Variants in UBR3 observed in about 807,000 individuals in gnomAD.
UBR3 encodes ubiquitin protein ligase E3 component n-recognin 3.
UBR3 carries 85 observed loss-of-function variants against 243.2 expected under a neutral mutation model. The ratio of observed to expected loss-of-function variants is 0.35; its 90% CI spans 0.29 to 0.42. The LOEUF is 0.42. UBR3 is among the 10% of genes least tolerant of loss of function. The pLI is 1.00. For missense variants in UBR3, 1,686 were observed against 2,300.8 expected (o/e 0.73, Z 5.47); for synonymous variants, 748 against 799.8 (o/e 0.94, Z 1.09).
rs984012339 is a variant in UBR3 at position 170,040,725 on chromosome 2, T to C, written c.4557-157T>C. On this transcript the variant is annotated intron_variant, in intron 31 of 38. Transcript: ENST00000272793. ...AGAATATGAGTCTAAAATGTAATTT[T>C]TTTGCAAAAAATATGACTCCTAAGG... Among the ~76,000 whole-genome samples the C allele has an allele frequency of 3.9e-5, 6 of 152,102 alleles. 1 individual carries two copies. The South Asian group carries it at 6.2e-4, about 16-fold the overall frequency.
rs11461641 is a variant in UBR3, at chr2:169,960,236, C to CAA, written c.3634+1729_3634+1730dup. 5.4e-3 allele frequency among the ~76,000 whole-genome samples: 343 copies of CAA among 63,874 alleles called. 1 individual carries two copies. Among genetic ancestry groups the CAA allele is most frequent in the African/African-American group, 1.0e-2 (191 of 19,160 alleles). The allele number at this position is 63,874 out of a possible 152,430, so 41.9% of individuals were successfully genotyped here. ...TGCACTGCAGCCTGGGTGACAAGAG[C>CAA]AAAAAAAAAAAAAAAAAAAAGATTG... On this transcript the variant is annotated intron_variant, in intron 24 of 38. Coordinates refer to ENST00000272793, the MANE Select transcript of UBR3 (RefSeq NM_172070.4).
intron 1 of UBR3, among the ~76,000 whole-genome samples, chr2:169,846,373 A>G (rs2082478094): frequency 6.6e-6 from 1 of 151,708 alleles, no homozygotes. Context: ...CGTCACCCAT[A>G]TTTCTTTTGA....
intron 21 of UBR3, 173 bp from the exon 22 acceptor site, chr2:169,947,369 G>A (rs979759804): frequency 9.1e-6 from 4 of 441,164 alleles, no homozygotes; most frequent in Non-Finnish European, 1.5e-5. Context: ...TGCATTTTTT[G>A]TTTGAATTTG....
At chr2:169,989,433 G>C (rs1168532223) in intron 25 of UBR3, among the ~76,000 whole-genome samples, 1 of 151,952 alleles carries the variant, frequency 6.6e-6, no homozygotes, top group African/African-American at 2.4e-5. Flanking sequence ...AAACCAATTT[G>C]GATTTTTCAG....
intron 31 of UBR3, among the ~76,000 whole-genome samples, chr2:170,038,695 T>G (rs1222041164): frequency 1.3e-5 from 2 of 152,142 alleles, no homozygotes; most frequent in Non-Finnish European, 2.9e-5. Flanking sequence ...TTCATTATGC[T>G]TTTATTGGAG....
rs543550115 is a variant in UBR3 at position 169,936,399 on chromosome 2, A to G, written c.2663+3391A>G. 4.6e-5 allele frequency among the ~76,000 whole-genome samples: 7 copies of G among 152,258 alleles called. No homozygotes were observed. The South Asian group carries it at 1.4e-3, about 32-fold the overall frequency. On this transcript the variant is annotated intron_variant, in intron 19 of 38. Transcript: ENST00000272793. Reference sequence around the variant, plus strand: ...TTAAATGCAAAGTTAATTTTATAGCATCTTCATAATCATAGGTACAGCATA... The same window carrying G: ...TTAAATGCAAAGTTAATTTTATAGCGTCTTCATAATCATAGGTACAGCATA...
rs531829280 is a variant in UBR3 at position 169,985,149 on chromosome 2, C to G, written c.3635-1496C>G. Among the ~76,000 whole-genome samples the G allele has an allele frequency of 9.9e-5, 15 of 151,568 alleles. No individual in the cohort carries two copies. The East Asian group carries it at 2.7e-3, about 27-fold the overall frequency. ...GTTCTCCTTTGCACTTGAGAGCAGA[C>G]AATTTCTTTTTTCTGCATGGTTTTC... On this transcript the variant is annotated intron_variant, in intron 24 of 38. Coordinates refer to ENST00000272793, the MANE Select transcript of UBR3 (RefSeq NM_172070.4).
At position 169,914,493 on chromosome 2, in the gene UBR3, A is replaced by G. The variant is rs146280521; in HGVS notation, c.1866+347A>G. 5.3e-4 allele frequency among the ~76,000 whole-genome samples: 80 copies of G among 152,348 alleles called. 1 individual carries two copies. The highest frequency in any genetic ancestry group is 3.4e-3 in the Middle Eastern group (1 of 294). On this transcript the variant is annotated intron_variant, in intron 11 of 38. Coordinates refer to ENST00000272793, the MANE Select transcript of UBR3 (RefSeq NM_172070.4). ...GTGACAATGCAAATGTGAATAGGATAGGGGAGATTAATGAAAAGGGTATCA... is the reference window on the plus strand; with the variant it reads ...GTGACAATGCAAATGTGAATAGGATGGGGGAGATTAATGAAAAGGGTATCA...
intron 11 of UBR3, among the ~76,000 whole-genome samples, chr2:169,922,881 A>G (rs1483147806): frequency 6.6e-6 from 1 of 152,230 alleles, no homozygotes; most frequent in Non-Finnish European, 1.5e-5. Context: ...TTTGAAAAAA[A>G]TAATTATTTC....
At chr2:169,954,529 C>T (rs1011364229) in intron 23 of UBR3, among the ~76,000 whole-genome samples, 3 of 151,428 alleles carry the variant, frequency 2.0e-5, no homozygotes, top group Non-Finnish European at 4.4e-5. Context: ...AGGCATGAGC[C>T]GCTGCTCCTA....
At chr2:169,901,911 CCCAGACTG>C (rs1472268248) in intron 8 of UBR3, among the ~76,000 whole-genome samples, 2 of 152,194 alleles carry the variant, frequency 1.3e-5, no homozygotes, top group South Asian at 4.1e-4. Flanking sequence ...TGCTCATAAT[CCCAGACTG>C]CCTTTCCTCC....
intron 32 of UBR3, among the ~76,000 whole-genome samples, chr2:170,052,842 T>C (rs1175316923): frequency 6.6e-6 from 1 of 152,210 alleles, no homozygotes; most frequent in Non-Finnish European, 1.5e-5. Context: ...GTATTCTCAG[T>C]GCACACACAT....
In UBR3 at chr2:169,827,750, C is replaced by A; in HGVS notation, c.243C>A (p.Gly81=). Residue 81 remains glycine, a synonymous_variant, in exon 1 of 39, where the codon GGC becomes GGA. Coordinates refer to ENST00000272793, the MANE Select transcript of UBR3 (RefSeq NM_172070.4). ...GEDAAAAGGG[G]GPGAAEEEAL... ...ACGCGGCGGCGGCCGGAGGCGGGGG[C>A]GGTCCGGGGGCGGCCGAGGAGGAGG... 2 of 1,246,824 alleles carry A rather than the reference C, an allele frequency of 1.6e-6. No individual in the cohort carries two copies. Among genetic ancestry groups the A allele is most frequent in the Non-Finnish European group, 2.0e-6 (2 of 997,708 alleles). The allele number at this position is 1,246,824 out of a possible 1,614,324, so 77.2% of individuals were successfully genotyped here.
chr2:169,970,235 G>GTTT (rs531832498), intron 24 of UBR3, among the ~76,000 whole-genome samples: 31 of 85,568 alleles, frequency 3.6e-4, no homozygotes, highest in Non-Finnish European at 4.4e-4. Context: ...TTGTTCCTAG[G>GTTT]TTTTTTTTTT....
intron 24 of UBR3, among the ~76,000 whole-genome samples, chr2:169,978,780 C>T (rs1316797491): frequency 6.6e-6 from 1 of 152,086 alleles, no homozygotes; most frequent in East Asian, 1.9e-4. Flanking sequence ...CTCAGCAGCT[C>T]AGACTCTAGG....
intron 33 of UBR3, among the ~76,000 whole-genome samples, chr2:170,057,629 A>T (rs1339438987): frequency 6.6e-6 from 1 of 152,146 alleles, no homozygotes; most frequent in African/African-American, 2.4e-5. Flanking sequence ...TACAATTGTA[A>T]ATCTATGAAG....
intron 11 of UBR3, among the ~76,000 whole-genome samples, chr2:169,914,876 T>G (rs560165798): frequency 4.4e-4 from 64 of 146,968 alleles, no homozygotes; most frequent in African/African-American, 1.2e-3. Flanking sequence ...GTGTGTGTTT[T>G]TTTTCCTTTC....
chr2:170,081,034 T>TA (rs1299380554), intron 38 of UBR3, among the ~76,000 whole-genome samples: 1 of 151,072 alleles, frequency 6.6e-6, no homozygotes, highest in African/African-American at 2.4e-5. Flanking sequence ...TACAAAAAAA[T>TA]AAAAATAAAT....
At chr2:169,971,283 C>T (rs1432249117) in intron 24 of UBR3, among the ~76,000 whole-genome samples, 3 of 151,372 alleles carry the variant, frequency 2.0e-5, no homozygotes, top group Admixed American at 6.6e-5. Flanking sequence ...GTTGCCTGTT[C>T]ACTCTGATGG....
Sources: gnomAD v4.1 joint callset for allele counts (sites outside exome capture counted in the v4.1 genomes callset) on GRCh38, gnomAD v4.1.1 for gene constraint, MANE v1.5 for transcripts, NCBI Gene and HGNC (gene_info 2026-07-23, HGNC 2026-07-21) for gene names.